TYW1B: variants seen among roughly 807,000 people sequenced by gnomAD.
TYW1B encodes tRNA-yW synthesizing protein 1 homolog B, also known as S-adenosyl-L-methionine-dependent tRNA 4-demethylwyosine synthase TYW1B.
TYW1B carries 73 observed loss-of-function variants against 86.9 expected under a neutral mutation model. That is an observed-to-expected ratio of 0.84 (90% CI 0.70 to 1.02). The LOEUF (loss-of-function observed/expected upper bound fraction) is 1.02, where lower values mean the gene tolerates loss of function less well. Ranked by LOEUF, TYW1B falls within the 50% of genes least tolerant of loss-of-function variation. TYW1B has a pLI of 0.00. For missense variants in TYW1B, 637 were observed against 827.4 expected (o/e 0.77, Z 2.82); for synonymous variants, 248 against 292.8 (o/e 0.85, Z 1.56).
At chr7:72,654,317 A>C (rs1425393051) in intron 11 of TYW1B, among the ~76,000 whole-genome samples, 1 of 152,142 alleles carries the variant, frequency 6.6e-6, no homozygotes, top group East Asian at 1.9e-4. Context: ...TCTTCTCCCC[A>C]AAACACATAA....
intron 13 of TYW1B, among the ~76,000 whole-genome samples, chr7:72,602,885 CA>C (rs1170325792): frequency 7.3e-6 from 1 of 136,210 alleles, no homozygotes; most frequent in African/African-American, 2.7e-5. Flanking sequence ...CACACACACA[CA>C]ATGTTGATGG....
At chr7:72,649,442 A>G (rs1554442476) in intron 11 of TYW1B, among the ~76,000 whole-genome samples, 1 of 152,222 alleles carries the variant, frequency 6.6e-6, no homozygotes, top group East Asian at 1.9e-4. Context: ...ATCAATCAGC[A>G]GAAGATCATG....
At chr7:72,602,677 C>T (rs537932080) in intron 13 of TYW1B, among the ~76,000 whole-genome samples, 1 of 152,212 alleles carries the variant, frequency 6.6e-6, no homozygotes, top group African/African-American at 2.4e-5. Context: ...CTGCCAGTGC[C>T]CAGCATGGCA....
chr7:72,692,226 AAAG>A (rs1563060694), intron 11 of TYW1B, among the ~76,000 whole-genome samples: 1 of 150,826 alleles, frequency 6.6e-6, no homozygotes, highest in Non-Finnish European at 1.5e-5. Flanking sequence ...AAAAAAAAAA[AAAG>A]AAGAAAGAAA....
Position 72,632,386 on chromosome 7 carries a change from ACG to A in TYW1B, c.1507-3391_1507-3390del, listed in dbSNP as rs1491392114. Reference sequence around the variant, plus strand: ...ATATACGCATATATATTATATATATACGTATATATATATAATATATATATACA... The same window carrying A: ...ATATACGCATATATATTATATATATATATATATATATAATATATATATACA... On this transcript the variant is annotated intron_variant, in intron 11 of 13. Coordinates refer to ENST00000620995, the MANE Select transcript of TYW1B (RefSeq NM_001145440.3). 2.1e-4 allele frequency among the ~76,000 whole-genome samples: 22 copies of A among 105,334 alleles called. 1 individual carries two copies. The highest frequency in any genetic ancestry group is 7.3e-4 in the South Asian group (3 of 4,132). 69.1% of individuals were successfully genotyped at this position (105,334 alleles called of 152,430 possible). A position where few individuals can be genotyped will look rare whatever the true frequency, so the allele number is the denominator to read the frequency against.
chr7:72,780,880 T>C (rs1788039439), intron 6 of TYW1B, among the ~76,000 whole-genome samples: 2 of 151,980 alleles, frequency 1.3e-5, no homozygotes, highest in Admixed American at 6.6e-5. Context: ...ATCTGCTAGG[T>C]GTAGACATTG....
chr7:72,701,792 C>T (rs1414729033), intron 10 of TYW1B, among the ~76,000 whole-genome samples: 34 of 152,122 alleles, frequency 2.2e-4, no homozygotes, highest in Non-Finnish European at 3.7e-4. Context: ...GTGGTCAGCT[C>T]ATTAATGGAC....
chr7:72,691,274 A>G (rs1195787415), intron 11 of TYW1B, among the ~76,000 whole-genome samples: 21 of 152,378 alleles, frequency 1.4e-4, no homozygotes, highest in African/African-American at 4.8e-4. Context: ...AACAAAAACA[A>G]TGCCAAGAAC....
intron 10 of TYW1B, among the ~76,000 whole-genome samples, chr7:72,713,320 A>AAAG (rs1786714227): frequency 6.6e-6 from 1 of 151,398 alleles, no homozygotes; most frequent in Non-Finnish European, 1.5e-5. Flanking sequence ...AAAAAAAAAA[A>AAAG]AAAAATCAAA....
intron 7 of TYW1B, among the ~76,000 whole-genome samples, chr7:72,768,190 G>A (rs1324640986): frequency 1.9e-4 from 29 of 151,210 alleles, no homozygotes; most frequent in Non-Finnish European, 1.0e-4. Flanking sequence ...GCAGTGAGCC[G>A]AAATTGCACC....
chr7:72,604,981 T>A (rs1282494205), intron 13 of TYW1B, among the ~76,000 whole-genome samples: 1 of 152,182 alleles, frequency 6.6e-6, no homozygotes, highest in African/African-American at 2.4e-5. Flanking sequence ...ATACTTACTA[T>A]CCTAGCCGCT....
At chr7:72,588,847 C>T (rs1248574944) in intron 13 of TYW1B, among the ~76,000 whole-genome samples, 2 of 151,274 alleles carry the variant, frequency 1.3e-5, no homozygotes, top group African/African-American at 4.9e-5. Flanking sequence ...GAGTCTTGCT[C>T]TGTCATCCAG....
chr7:72,659,193 C>T (rs1230851350), intron 11 of TYW1B, among the ~76,000 whole-genome samples: 1 of 152,206 alleles, frequency 6.6e-6, no homozygotes, highest in Non-Finnish European at 1.5e-5. Context: ...TGGAGAACTA[C>T]ACAGCTGGAG....
chr7:72,797,176 T>C (rs1788319275), intron 6 of TYW1B, among the ~76,000 whole-genome samples: 1 of 152,144 alleles, frequency 6.6e-6, no homozygotes, highest in Non-Finnish European at 1.5e-5. Context: ...TCCTAAGTAA[T>C]AGATTCAGGA....
At chr7:72,673,817 C>T (rs1180916417) in intron 11 of TYW1B, among the ~76,000 whole-genome samples, 10 of 152,042 alleles carry the variant, frequency 6.6e-5, no homozygotes, top group Admixed American at 2.0e-4. Context: ...TTTTCTATCA[C>T]GTAATTATTA....
intron 2 of TYW1B, among the ~76,000 whole-genome samples, chr7:72,818,814 G>A (rs1490759949): frequency 1.3e-5 from 2 of 151,896 alleles, no homozygotes; most frequent in Admixed American, 1.3e-4. Context: ...CTTTTAAACA[G>A]CCAGATCTCA....
intron 11 of TYW1B, among the ~76,000 whole-genome samples, chr7:72,638,933 A>AGT (rs2129568979): frequency 6.6e-6 from 1 of 152,352 alleles, no homozygotes; most frequent in South Asian, 2.1e-4. Flanking sequence ...CTATATTAAA[A>AGT]GATACCAAAA....
chr7:72,613,875 T>G lies in TYW1B; in HGVS notation c.1785+2797A>C, dbSNP rs1232531260. On this transcript the variant is annotated intron_variant, in intron 13 of 13. Coordinates refer to ENST00000620995, the MANE Select transcript of TYW1B (RefSeq NM_001145440.3). ...TACAATTTTGAAGTTGATAACTGTA[T>G]CGTGGTTGTAAGAGAAAATATTCCT... Among the ~76,000 whole-genome samples, 3 of 152,176 alleles carry G rather than the reference T, an allele frequency of 2.0e-5. No individual in the cohort carries two copies. The South Asian group carries it at 6.2e-4, about 32-fold the overall frequency.
intron 10 of TYW1B, among the ~76,000 whole-genome samples, chr7:72,698,437 G>A (rs1379210954): frequency 6.6e-6 from 1 of 152,090 alleles, no homozygotes; most frequent in African/African-American, 2.4e-5. Context: ...CTGAGGTCAG[G>A]AGTTCGAGAC....
Sources: allele counts gnomAD v4.1 joint callset (sites outside exome capture counted in the v4.1 genomes callset), GRCh38; gene constraint gnomAD v4.1.1; transcripts MANE v1.5; gene names NCBI Gene and HGNC (gene_info 2026-07-23, HGNC 2026-07-21).